GRIA2: variants seen among roughly 807,000 people sequenced by gnomAD.
GRIA2 encodes glutamate receptor 2.
A neutral mutation model predicts 97.3 loss-of-function variants in GRIA2; 14 were observed. The observed-to-expected ratio is 0.14, with a 90% CI of 0.10 to 0.23. GRIA2 has a LOEUF of 0.23. Among genes scored for constraint, GRIA2 ranks in the 10% least tolerant of loss-of-function variants. The pLI is 1.00. For synonymous variants in GRIA2, 412 were observed against 387.8 expected (o/e 1.06, Z -0.73); for missense variants, 558 against 1,069.8 (o/e 0.52, Z 6.67).
At chr4:157,329,490 T>A (rs868602593) in intron 6 of GRIA2, among the ~76,000 whole-genome samples, 3 of 152,050 alleles carry the variant, frequency 2.0e-5, no homozygotes, top group African/African-American at 4.8e-5. Flanking sequence ...AATTGGTCAT[T>A]AATTTGGGAA....
chr4:157,234,283 G>T (rs758652775), intron 2 of GRIA2, among the ~76,000 whole-genome samples: 11 of 152,006 alleles, frequency 7.2e-5, no homozygotes, highest in Admixed American at 5.2e-4. Flanking sequence ...GCTTATAGGT[G>T]CATGGAAGGG....
intron 4 of GRIA2, among the ~76,000 whole-genome samples, chr4:157,313,401 G>A (rs1336739896): frequency 6.6e-6 from 1 of 152,082 alleles, no homozygotes; most frequent in Non-Finnish European, 1.5e-5. Flanking sequence ...ATTAAAATAT[G>A]TAGGAAGGAC....
At chr4:157,326,113 C>G (rs976304663) in intron 6 of GRIA2, among the ~76,000 whole-genome samples, 4 of 152,156 alleles carry the variant, frequency 2.6e-5, no homozygotes, top group African/African-American at 9.7e-5. Context: ...CCTCAACCAA[C>G]CTAAGCAACT....
chr4:157,234,955 G>T (rs2126702213), intron 2 of GRIA2, among the ~76,000 whole-genome samples: 1 of 152,136 alleles, frequency 6.6e-6, no homozygotes, highest in Middle Eastern at 3.4e-3. Flanking sequence ...ACTTTGTGTA[G>T]TTCATGAAAT....
At chr4:157,290,500 GC>G (rs1450521733) in intron 2 of GRIA2, among the ~76,000 whole-genome samples, 2 of 132,614 alleles carry the variant, frequency 1.5e-5, no homozygotes, top group Non-Finnish European at 3.2e-5. Flanking sequence ...TTACATCACT[GC>G]TTTTTTTTTT....
intron 12 of GRIA2, among the ~76,000 whole-genome samples, chr4:157,355,971 A>ATGTATATT (rs1491231911): frequency 4.2e-4 from 4 of 9,596 alleles, no homozygotes; most frequent in East Asian, 4.6e-3. Context: ...ATGTATATTA[A>ATGTATATT]TATATATATT....
intron 12 of GRIA2, among the ~76,000 whole-genome samples, chr4:157,349,429 T>TTTCC (rs1463011179): frequency 6.6e-6 from 1 of 151,806 alleles, no homozygotes; most frequent in Non-Finnish European, 1.5e-5. Context: ...ATCTTCCTTC[T>TTTCC]TTCCTTCCTT....
At chr4:157,240,686 C>T (rs567649998) in intron 2 of GRIA2, among the ~76,000 whole-genome samples, 1 of 151,320 alleles carries the variant, frequency 6.6e-6, no homozygotes, top group African/African-American at 2.4e-5. Context: ...TCTAGAGCAC[C>T]TCCTTAAGTT....
chr4:157,309,900 A>G (rs1400563388), intron 3 of GRIA2, among the ~76,000 whole-genome samples: 1 of 152,188 alleles, frequency 6.6e-6, no homozygotes, highest in African/African-American at 2.4e-5. Flanking sequence ...TAATTTCTAT[A>G]TGGTAATATA....
intron 2 of GRIA2, among the ~76,000 whole-genome samples, chr4:157,292,881 A>G (rs1174298201): frequency 6.6e-6 from 1 of 152,114 alleles, no homozygotes; most frequent in East Asian, 1.9e-4. Context: ...AATGTCTAAA[A>G]TATGGATAAT....
intron 11 of GRIA2, among the ~76,000 whole-genome samples, chr4:157,340,676 A>G (rs2126950262): frequency 1.3e-5 from 2 of 151,928 alleles, no homozygotes; most frequent in East Asian, 1.9e-4. Context: ...TTTGTGCGGT[A>G]TCTTTGCTTG....
At position 157,341,300 on chromosome 4, in the gene GRIA2, G is replaced by T; in HGVS notation, c.1881G>T (p.Trp627Cys). 1 of 1,612,802 alleles carries T rather than the reference G, an allele frequency of 6.2e-7. No homozygotes were observed. The highest frequency in any genetic ancestry group is 8.5e-7 in the Non-Finnish European group (1 of 1,179,112). ...LSGRIVGGVWWFFTLIIISSY... is the reference protein window; with the variant it reads ...LSGRIVGGVWCFFTLIIISSY... The stretch of plus-strand genomic sequence containing the variant: ...GGCGCATTGTTGGAGGTGTGTGGTG[G>T]TTCTTTACCCTGATCATAATCTCCT... The change falls in exon 12 of 16, where the codon TGG becomes TGT. Residue 627 changes from tryptophan to cysteine, a missense_variant. Around this residue, in one of 8 missense-constraint regions of GRIA2, gnomAD observed 125 missense variants for 310.2 expected, o/e 0.40. Coordinates refer to ENST00000264426, the MANE Select transcript of GRIA2 (RefSeq NM_001083619.3).
chr4:157,360,460 C>T (rs754782075), intron 13 of GRIA2, among the ~76,000 whole-genome samples: 6 of 151,078 alleles, frequency 4.0e-5, no homozygotes, highest in Admixed American at 6.6e-5. Context: ...TTCCACATTT[C>T]TAACTACCTT....
intron 12 of GRIA2, among the ~76,000 whole-genome samples, chr4:157,355,875 T>TTATATATATTAACATATTTATATATAAA (rs1736274038): frequency 1.9e-5 from 1 of 53,118 alleles, no homozygotes; most frequent in Non-Finnish European, 3.6e-5. Context: ...ATTAACATAT[T>TTATATATATTAACATATTTATATATAAA]TATATATATT....
intron 12 of GRIA2, among the ~76,000 whole-genome samples, chr4:157,350,090 A>G (rs1304030660): frequency 6.6e-6 from 1 of 152,056 alleles, no homozygotes; most frequent in Admixed American, 6.6e-5. Flanking sequence ...TTTCATTGTT[A>G]TGGTCTTTAG....
At chr4:157,329,579 A>G (rs981072363) in intron 6 of GRIA2, among the ~76,000 whole-genome samples, 4 of 151,904 alleles carry the variant, frequency 2.6e-5, no homozygotes, top group African/African-American at 9.7e-5. Context: ...CATTTTCTGT[A>G]CTTATTAGAT....
chr4:157,255,021 C>A (rs1731178710), intron 2 of GRIA2, among the ~76,000 whole-genome samples: 1 of 151,882 alleles, frequency 6.6e-6, no homozygotes, highest in South Asian at 2.1e-4. Context: ...TTAGTGTAAC[C>A]ATCACCTGAA....
At chr4:157,270,613 AC>A (rs1287977504) in intron 2 of GRIA2, among the ~76,000 whole-genome samples, 1 of 152,118 alleles carries the variant, frequency 6.6e-6, no homozygotes, top group East Asian at 1.9e-4. Context: ...AGTGAAATAT[AC>A]AGTCTTTAAC....
At chr4:157,227,656 C>A in intron 2 of GRIA2, among the ~76,000 whole-genome samples, 1 of 152,116 alleles carries the variant, frequency 6.6e-6, no homozygotes, top group Non-Finnish European at 1.5e-5. Context: ...ATGTTAATGG[C>A]AGCTGGGTAG....
Sources: gnomAD v4.1 joint callset for allele counts (sites outside exome capture counted in the v4.1 genomes callset) on GRCh38, gnomAD v4.1.1 for gene constraint, gnomAD v4.1.1 regional missense constraint, MANE v1.5 for transcripts, NCBI Gene and HGNC (gene_info 2026-07-23, HGNC 2026-07-21) for gene names.